The following LRRC3B variants were observed in gnomAD, a reference collection of about 807,000 sequenced individuals.
LRRC3B encodes leucine-rich repeat-containing protein 3B.
In LRRC3B, 2 loss-of-function variants were observed where a neutral mutation model predicts 12.8. That is an observed-to-expected ratio of 0.16 (90% CI 0.06 to 0.49). The LOEUF is 0.49. LRRC3B is among the 20% of genes least tolerant of loss of function. The pLI is 0.96. For missense variants in LRRC3B, 189 were observed against 319.4 expected, an observed-to-expected ratio of 0.59 and a Z score of 3.11; for synonymous variants, 132 against 122.0, an observed-to-expected ratio of 1.08 and a Z score of -0.54.
chr3:26,639,214 T>A (rs1698967412), intron 1 of LRRC3B, among the ~76,000 whole-genome samples: 1 of 152,190 alleles, frequency 6.6e-6, no homozygotes, highest in Non-Finnish European at 1.5e-5. Flanking sequence ...ATAGTTAATT[T>A]CAGTAATATA....
chr3:26,709,818 C>G, exon 2 of LRRC3B: 1 of 1,614,126 alleles, frequency 6.2e-7, no homozygotes, highest in Non-Finnish European at 8.5e-7. Flanking sequence ...TTAAATGTCA[C>G]CTGTAGCAAT....
intron 1 of LRRC3B, among the ~76,000 whole-genome samples, chr3:26,634,234 G>T (rs548604848): frequency 6.6e-6 from 1 of 152,310 alleles, no homozygotes; most frequent in South Asian, 2.1e-4. Flanking sequence ...TTGCTGTGAG[G>T]AGCTTTTTGG....
At chr3:26,644,035 C>A (rs528369586) in intron 1 of LRRC3B, among the ~76,000 whole-genome samples, 2 of 152,062 alleles carry the variant, frequency 1.3e-5, no homozygotes, top group Non-Finnish European at 2.9e-5. Context: ...TAGATGTGTA[C>A]GAATTATTTT....
At chr3:26,680,417 CTTACAGGA>C (rs2125440877) in intron 1 of LRRC3B, among the ~76,000 whole-genome samples, 1 of 152,302 alleles carries the variant, frequency 6.6e-6, no homozygotes, top group South Asian at 2.1e-4. Flanking sequence ...AAAGAACGTT[CTTACAGGA>C]TTTCTCCTAT....
intron 1 of LRRC3B, among the ~76,000 whole-genome samples, chr3:26,648,509 A>G (rs1699199406): frequency 6.6e-6 from 1 of 152,162 alleles, no homozygotes; most frequent in Non-Finnish European, 1.5e-5. Context: ...AACCTGGTAG[A>G]AATCATTGTA....
At chr3:26,643,938 TATGCACACAC>T (rs1196659084) in intron 1 of LRRC3B, among the ~76,000 whole-genome samples, 1 of 152,192 alleles carries the variant, frequency 6.6e-6, no homozygotes, top group Non-Finnish European at 1.5e-5. Context: ...CATGCACAAG[TATGCACACAC>T]ATATACGCAC....
intron 1 of LRRC3B, among the ~76,000 whole-genome samples, chr3:26,642,512 C>T (rs145570353): frequency 2.2e-3 from 334 of 152,166 alleles, no homozygotes; most frequent in African/African-American, 7.7e-3. Flanking sequence ...GTGGGGATGG[C>T]GGAGAGAGCA....
At position 26,678,591 on chromosome 3, in the gene LRRC3B, G is replaced by A. The variant is rs551549819; in HGVS notation, c.-160-30922G>A. On this transcript the variant is annotated intron_variant, in intron 1 of 1. Coordinates refer to ENST00000396641, the Ensembl canonical transcript of LRRC3B. Reference sequence around the variant, plus strand: ...TGAGTAGCATCTATACCCAAGGTTTGTACCTAAGAGCCAGGGGACCCTCAA... The same window carrying A: ...TGAGTAGCATCTATACCCAAGGTTTATACCTAAGAGCCAGGGGACCCTCAA... Among the ~76,000 whole-genome samples the A allele has an allele frequency of 5.9e-5, 9 of 152,168 alleles. No homozygotes were observed. The South Asian group carries it at 1.9e-3, about 32-fold the overall frequency.
At chr3:26,698,014 A>G (rs796944986) in intron 1 of LRRC3B, among the ~76,000 whole-genome samples, 45 of 152,260 alleles carry the variant, frequency 3.0e-4, no homozygotes, top group African/African-American at 1.1e-3. Context: ...ATAAAATGAA[A>G]TCATTGACTC....
chr3:26,707,928 T>C (rs1273775317), intron 1 of LRRC3B, among the ~76,000 whole-genome samples: 2 of 152,174 alleles, frequency 1.3e-5, no homozygotes, highest in Non-Finnish European at 2.9e-5. Context: ...CTCTTTAGCA[T>C]TCTCTGGTAT....
At chr3:26,710,200 G>T (rs775554225) in exon 2 of LRRC3B, 32 of 1,613,810 alleles carry the variant, frequency 2.0e-5, no homozygotes, top group Non-Finnish European at 2.7e-5. Context: ...AAACGTCCGT[G>T]TTGGATGAAC....
At chr3:26,685,335 C>G (rs1243796254) in intron 1 of LRRC3B, among the ~76,000 whole-genome samples, 3 of 151,396 alleles carry the variant, frequency 2.0e-5, no homozygotes, top group African/African-American at 7.3e-5. Flanking sequence ...ACTTGACTTT[C>G]TTGTTTTCTA....
intron 1 of LRRC3B, among the ~76,000 whole-genome samples, chr3:26,655,268 T>G (rs1232389110): frequency 7.2e-5 from 11 of 152,170 alleles, no homozygotes. Context: ...AAGAAAGAAA[T>G]AAGCCTATAG....
chr3:26,697,971 G>T (rs148832498), intron 1 of LRRC3B, among the ~76,000 whole-genome samples: 54 of 152,170 alleles, frequency 3.5e-4, no homozygotes, highest in African/African-American at 1.2e-3. Flanking sequence ...GTCTCTGAAC[G>T]TGGATCCCTC....
At chr3:26,675,048 C>T (rs1053168088) in intron 1 of LRRC3B, among the ~76,000 whole-genome samples, 1 of 152,174 alleles carries the variant, frequency 6.6e-6, no homozygotes, top group Non-Finnish European at 1.5e-5. Flanking sequence ...AAGAAATCCT[C>T]CTCTCAACAT....
Position 26,638,522 on chromosome 3 carries a change from GAATC to G in LRRC3B, c.-161+15289_-161+15292del, listed in dbSNP as rs544508087. On this transcript the variant is annotated intron_variant, in intron 1 of 1. Transcript: ENST00000396641. Reference sequence around the variant, plus strand: ...GTTATAAACTTCTGTCTCAAAGTGTGAATCAATACCTGATGATGTGGAAAATAAC... The same window carrying G: ...GTTATAAACTTCTGTCTCAAAGTGTGAATACCTGATGATGTGGAAAATAAC... Among the ~76,000 whole-genome samples the G allele has an allele frequency of 3.5e-4, 53 of 152,294 alleles. 1 individual carries two copies. In the South Asian group the frequency reaches 0.011, roughly 32 times the overall value.
chr3:26,686,770 G>T (rs1489431770), intron 1 of LRRC3B, among the ~76,000 whole-genome samples: 1 of 152,132 alleles, frequency 6.6e-6, no homozygotes, highest in Non-Finnish European at 1.5e-5. Flanking sequence ...TGAATGGGGT[G>T]GGAAGGAATG....
intron 1 of LRRC3B, among the ~76,000 whole-genome samples, chr3:26,656,260 C>G (rs943698005): frequency 6.6e-6 from 1 of 152,116 alleles, no homozygotes; most frequent in African/African-American, 2.4e-5. Context: ...CGTCTAATCA[C>G]TATAACAAAC....
chr3:26,708,164 G>C (rs775086483), intron 1 of LRRC3B, among the ~76,000 whole-genome samples: 1 of 152,138 alleles, frequency 6.6e-6, no homozygotes, highest in Non-Finnish European at 1.5e-5. Flanking sequence ...CATGCAGAAA[G>C]TTGTTTGTTG....
Sources: gnomAD v4.1 joint callset for allele counts (sites outside exome capture counted in the v4.1 genomes callset) on GRCh38, gnomAD v4.1.1 for gene constraint, MANE v1.5 for transcripts, NCBI Gene and HGNC (gene_info 2026-07-23, HGNC 2026-07-21) for gene names.